AGAP1: variants seen among roughly 807,000 people sequenced by gnomAD.
AGAP1 encodes the protein ArfGAP with GTPase domain, ankyrin repeat and PH domain 1.
Under a neutral mutation model 105.3 loss-of-function variants are expected in AGAP1, and 29 were observed. The observed-to-expected ratio is 0.28, with a 90% CI of 0.21 to 0.38. The LOEUF (loss-of-function observed/expected upper bound fraction) is 0.38, where lower values mean the gene tolerates loss of function less well. AGAP1 is among the 10% of genes least tolerant of loss of function. The pLI is 1.00. For synonymous variants in AGAP1, 509 were observed against 485.9 expected (o/e 1.05, Z -0.63); for missense variants, 998 against 1,165.1 (o/e 0.86, Z 2.09).
chr2:235,630,881 G>C (rs954838094), intron 1 of AGAP1, among the ~76,000 whole-genome samples: 1 of 152,182 alleles, frequency 6.6e-6, no homozygotes, highest in African/African-American at 2.4e-5. Context: ...TGCTGGCCCA[G>C]CCCGTTGCGG....
At chr2:235,818,588 A>G (rs939809328) in intron 9 of AGAP1, among the ~76,000 whole-genome samples, 1 of 152,162 alleles carries the variant, frequency 6.6e-6, no homozygotes, top group Admixed American at 6.5e-5. Context: ...GATTACAGGC[A>G]TGGGCCACCA....
chr2:235,724,324 G>GC lies in AGAP1; in HGVS notation c.310+6684dup, dbSNP rs899959161. ...TCCCTCCCAGAAGGGCGACCCTCCA[G>GC]CCCCATGTCCAGGCTCTCCCATCTT... On this transcript the variant is annotated intron_variant, in intron 3 of 17. Coordinates refer to ENST00000304032, the MANE Select transcript of AGAP1 (RefSeq NM_001037131.3). This position sits in a 1 kb window ranked among gnomAD's most constrained non-coding sequence, Gnocchi z 4.9. 1.3e-5 allele frequency among the ~76,000 whole-genome samples: 2 copies of GC among 152,216 alleles called. No homozygotes were observed. Among genetic ancestry groups the GC allele is most frequent in the African/African-American group, 4.8e-5 (2 of 41,452 alleles).
At chr2:235,924,474 G>A (rs1180669393) in intron 11 of AGAP1, among the ~76,000 whole-genome samples, 3 of 152,124 alleles carry the variant, frequency 2.0e-5, no homozygotes, top group African/African-American at 2.4e-5. Flanking sequence ...AGTTCCATGC[G>A]GCTGCTCGGC....
intron 16 of AGAP1, among the ~76,000 whole-genome samples, chr2:236,071,327 C>T (rs963060599): frequency 3.9e-5 from 6 of 152,178 alleles, no homozygotes; most frequent in African/African-American, 1.4e-4. Context: ...GCCCACCTGG[C>T]CTGCAGATGG....
rs147781000 is a variant in AGAP1 at position 235,596,931 on chromosome 2, G to T, written c.163+102082G>T. ...GTACCCTATGAGGACATCATGAGGA[G>T]ATATGGCTTCTGCAGGAAGAGGCCT... is the stretch of plus-strand genomic sequence containing the variant. On this transcript the variant is annotated intron_variant, in intron 1 of 17. Transcript: ENST00000304032. This position sits in a 1 kb window ranked among gnomAD's most constrained non-coding sequence, Gnocchi z 5.9. Among the ~76,000 whole-genome samples the T allele has an allele frequency of 2.2e-3, 329 of 152,264 alleles. 4 individuals are homozygous for T. Among genetic ancestry groups the T allele is most frequent in the Admixed American group, 3.7e-3 (57 of 15,300 alleles).
Position 235,609,480 on chromosome 2 carries a change from G to T in AGAP1, c.164-99699G>T, listed in dbSNP as rs1946055913. Among the ~76,000 whole-genome samples, 1 of 152,106 alleles carries T rather than the reference G, an allele frequency of 6.6e-6. No homozygotes were observed. On this transcript the variant is annotated intron_variant, in intron 1 of 17. Coordinates refer to ENST00000304032, the MANE Select transcript of AGAP1 (RefSeq NM_001037131.3). The surrounding 1 kb of genome is among the most constrained non-coding windows in gnomAD (Gnocchi z 5.1). ...AAGAACTGGGGGCTGGGCTGTGGAA[G>T]AAGTGCGAGAGGGAGTGGGGAAGGC...
In AGAP1 at chr2:236,031,970, C is replaced by T. The variant is rs545828176; in HGVS notation, c.1646-4591C>T. Among the ~76,000 whole-genome samples the T allele has an allele frequency of 5.3e-5, 8 of 152,290 alleles. No homozygotes were observed. In the South Asian group the frequency reaches 8.3e-4, roughly 16 times the overall value. On this transcript the variant is annotated intron_variant, in intron 13 of 17. Transcript: ENST00000304032. ...TCTGGGCCTGCCGTTCACTGCAGTC[C>T]TTCAGCCTTTTCATATTTGTAGTTG...
In AGAP1 at chr2:235,553,911, C is replaced by T. The variant is rs1296246875; in HGVS notation, c.163+59062C>T. 3.3e-5 allele frequency among the ~76,000 whole-genome samples: 5 copies of T among 152,232 alleles called. No homozygotes were observed. Among genetic ancestry groups the T allele is most frequent in the African/African-American group, 9.6e-5 (4 of 41,464 alleles). The stretch of plus-strand genomic sequence containing the variant: ...GCACGGTTGCCTCCGCCTCCCACCC[C>T]ACCCCGTGGTGCGGCGTGTGCCAAG... On this transcript the variant is annotated intron_variant, in intron 1 of 17. Coordinates refer to ENST00000304032, the MANE Select transcript of AGAP1 (RefSeq NM_001037131.3). This position sits in a 1 kb window ranked among gnomAD's most constrained non-coding sequence, Gnocchi z 4.5.
At position 236,027,325 on chromosome 2, in the gene AGAP1, T is replaced by C. The variant is rs1267313647; in HGVS notation, c.1646-9236T>C. Among the ~76,000 whole-genome samples, 1 of 152,008 alleles carries C rather than the reference T, an allele frequency of 6.6e-6. No individual in the cohort carries two copies. The highest frequency in any genetic ancestry group is 1.5e-5 in the Non-Finnish European group (1 of 68,008). On this transcript the variant is annotated intron_variant, in intron 13 of 17. Transcript: ENST00000304032. This position sits in a 1 kb window ranked among gnomAD's most constrained non-coding sequence, Gnocchi z 4.4. ...AGCATAGCTGGATTCCACTCGGCAGTGTTGGTGTAGAGTGGCCTTAATTAG... is the reference window on the plus strand; with the variant it reads ...AGCATAGCTGGATTCCACTCGGCAGCGTTGGTGTAGAGTGGCCTTAATTAG...
intron 1 of AGAP1, among the ~76,000 whole-genome samples, chr2:235,685,046 AG>A (rs1435104247): frequency 2.6e-5 from 4 of 152,018 alleles, no homozygotes; most frequent in Non-Finnish European, 5.9e-5. Flanking sequence ...TGTGAGAGTC[AG>A]GGGTGTGCAG....
At chr2:235,920,440 G>T (rs573884555) in intron 11 of AGAP1, among the ~76,000 whole-genome samples, 3 of 152,162 alleles carry the variant, frequency 2.0e-5, no homozygotes, top group Admixed American at 1.3e-4. Flanking sequence ...TGCCCCAAGC[G>T]CAGGGTTGTT....
At chr2:235,943,272 A>G (rs1162306602) in intron 12 of AGAP1, among the ~76,000 whole-genome samples, 2 of 152,126 alleles carry the variant, frequency 1.3e-5, no homozygotes, top group African/African-American at 4.8e-5. Context: ...CTGTTAGAAT[A>G]ACATTGGTCA....
At position 236,123,886 on chromosome 2, in the gene AGAP1, A is replaced by G. The variant is rs2059960128; in HGVS notation, c.2371-33A>G. 1 of 1,610,632 alleles carries G rather than the reference A, an allele frequency of 6.2e-7. No individual in the cohort carries two copies. Among genetic ancestry groups the G allele is most frequent in the East Asian group, 2.2e-5 (1 of 44,836 alleles). On this transcript the variant is annotated intron_variant, in intron 17 of 17. Transcript: ENST00000304032. This position sits in a 1 kb window ranked among gnomAD's most constrained non-coding sequence, Gnocchi z 4.6. ...GCCCCCTCCCTCCATCACATCCCCC[A>G]TGATACTAATGTGGGCTCCCTTACC...
rs983681018 is a variant in AGAP1, at chr2:235,845,363, G to T, written c.1051-37982G>T. Among the ~76,000 whole-genome samples the T allele has an allele frequency of 2.0e-5, 3 of 152,082 alleles. No individual in the cohort carries two copies. Among genetic ancestry groups the T allele is most frequent in the African/African-American group, 7.2e-5 (3 of 41,394 alleles). ...CAGAGCAAAATCCAACACCATGCTG[G>T]CTTCTGGGAGTGCAGATTTTGCAGA... On this transcript the variant is annotated intron_variant, in intron 9 of 17. Coordinates refer to ENST00000304032, the MANE Select transcript of AGAP1 (RefSeq NM_001037131.3). This position sits in a 1 kb window ranked among gnomAD's most constrained non-coding sequence, Gnocchi z 4.8.
chr2:235,680,248 A>G (rs948861036), intron 1 of AGAP1, among the ~76,000 whole-genome samples: 1 of 152,220 alleles, frequency 6.6e-6, no homozygotes, highest in Non-Finnish European at 1.5e-5. Flanking sequence ...GTCCGTGGAA[A>G]TGAGCTAAAA....
rs1034161084 is a variant in AGAP1 at position 236,022,428 on chromosome 2, C to T, written c.1646-14133C>T. 2.6e-5 allele frequency among the ~76,000 whole-genome samples: 4 copies of T among 152,284 alleles called. No individual in the cohort carries two copies. The East Asian group carries it at 7.7e-4, about 29-fold the overall frequency. On this transcript the variant is annotated intron_variant, in intron 13 of 17. Transcript: ENST00000304032. Reference sequence around the variant, plus strand: ...GTGAACTGCGTGTGTTTATAATGATCTTTTGTTTTTGTTTAAAATTAATAA... The same window carrying T: ...GTGAACTGCGTGTGTTTATAATGATTTTTTGTTTTTGTTTAAAATTAATAA...
At chr2:236,017,732 C>T (rs990005815) in intron 13 of AGAP1, among the ~76,000 whole-genome samples, 1 of 152,230 alleles carries the variant, frequency 6.6e-6, no homozygotes, top group Non-Finnish European at 1.5e-5. Flanking sequence ...CTAAGGATCT[C>T]TCTGAAGCCC....
Position 235,931,016 on chromosome 2 carries a change from T to C in AGAP1, c.1483+93T>C, listed in dbSNP as rs1359301241. Reference sequence around the variant, plus strand: ...GACAGGACGCCCTAAGCTCTCATGCTCCTCTGGGAGCGCAGCACCCTGTGG... The same window carrying C: ...GACAGGACGCCCTAAGCTCTCATGCCCCTCTGGGAGCGCAGCACCCTGTGG... On this transcript the variant is annotated intron_variant, in intron 12 of 17. Coordinates refer to ENST00000304032, the MANE Select transcript of AGAP1 (RefSeq NM_001037131.3). The surrounding 1 kb of genome is among the most constrained non-coding windows in gnomAD (Gnocchi z 5.6). The C allele has an allele frequency of 7.0e-7, 1 of 1,436,074 alleles. No homozygotes were observed. The highest frequency in any genetic ancestry group is 2.4e-5 in the East Asian group (1 of 41,448). The allele number at this position is 1,436,074 out of a possible 1,614,324, so 89.0% of individuals were successfully genotyped here.
chr2:236,070,637 T>A (rs2058471391), intron 16 of AGAP1, among the ~76,000 whole-genome samples: 1 of 152,206 alleles, frequency 6.6e-6, no homozygotes, highest in Non-Finnish European at 1.5e-5. Flanking sequence ...AGCATTGATG[T>A]ATACTACAAC....
Sources: gnomAD v4.1 joint callset for allele counts (sites outside exome capture counted in the v4.1 genomes callset) on GRCh38, gnomAD v4.1.1 for gene constraint, Gnocchi (gnomAD v3.1) non-coding constraint, MANE v1.5 for transcripts, NCBI Gene and HGNC (gene_info 2026-07-23, HGNC 2026-07-21) for gene names.